LRFN5: variants seen among roughly 807,000 people sequenced by gnomAD.
The protein encoded by LRFN5 is leucine-rich repeat and fibronectin type-III domain-containing protein 5.
LRFN5 carries 24 observed loss-of-function variants against 45.6 expected under a neutral mutation model. That is an observed-to-expected ratio of 0.53 (90% CI 0.38 to 0.74). The LOEUF (loss-of-function observed/expected upper bound fraction) is 0.74, where lower values mean the gene tolerates loss of function less well. LRFN5 is among the 30% of genes least tolerant of loss of function. The pLI is 0.00. For synonymous variants in LRFN5, 340 were observed against 313.8 expected, an observed-to-expected ratio of 1.08 and a Z score of -0.88; for missense variants, 776 against 861.5, an observed-to-expected ratio of 0.90 and a Z score of 1.24.
At chr14:41,715,969 G>A (rs150201318) in intron 1 of LRFN5, among the ~76,000 whole-genome samples, 31 of 152,282 alleles carry the variant, frequency 2.0e-4, no homozygotes, top group African/African-American at 6.7e-4. Context: ...TGAAATCTAG[G>A]TGGAGGTTCC....
intron 2 of LRFN5, among the ~76,000 whole-genome samples, chr14:41,869,684 G>C (rs1256720093): frequency 2.0e-5 from 3 of 151,984 alleles, no homozygotes; most frequent in Non-Finnish European, 4.4e-5. Flanking sequence ...CATGTTGGAA[G>C]GCTAAAGGCA....
intron 1 of LRFN5, among the ~76,000 whole-genome samples, chr14:41,667,554 A>T (rs1056156684): frequency 2.0e-5 from 3 of 152,142 alleles, no homozygotes; most frequent in African/African-American, 7.2e-5. Context: ...GCTGGTGTCC[A>T]CGCTCCTGCC....
chr14:41,849,789 A>G (rs912601408), intron 2 of LRFN5, among the ~76,000 whole-genome samples: 3 of 151,908 alleles, frequency 2.0e-5, no homozygotes, highest in Admixed American at 1.3e-4. Flanking sequence ...TTTCCTGTCA[A>G]TCCTCCCCTC....
chr14:41,850,406 A>G (rs935629451), intron 2 of LRFN5, among the ~76,000 whole-genome samples: 1 of 151,872 alleles, frequency 6.6e-6, no homozygotes, highest in Non-Finnish European at 1.5e-5. Flanking sequence ...TAACTTCTGC[A>G]TCTAAGAAAC....
At chr14:41,862,078 A>G (rs1177206442) in intron 2 of LRFN5, among the ~76,000 whole-genome samples, 2 of 152,160 alleles carry the variant, frequency 1.3e-5, no homozygotes, top group African/African-American at 2.4e-5. Flanking sequence ...GTCATGTAAG[A>G]CGTGCCATGC....
At chr14:41,744,162 A>G (rs1455269278) in intron 1 of LRFN5, among the ~76,000 whole-genome samples, 2 of 152,066 alleles carry the variant, frequency 1.3e-5, no homozygotes, top group Non-Finnish European at 2.9e-5. Flanking sequence ...GAGACCAACC[A>G]AGGCAACATG....
chr14:41,781,614 A>AAGAG (rs1223165047), intron 2 of LRFN5, among the ~76,000 whole-genome samples: 4 of 88,236 alleles, frequency 4.5e-5, no homozygotes, highest in Non-Finnish European at 6.8e-5. Flanking sequence ...GAAAGAAAGA[A>AAGAG]AGAGAAAGAA....
intron 1 of LRFN5, among the ~76,000 whole-genome samples, chr14:41,679,102 C>T (rs1360362579): frequency 6.6e-6 from 1 of 152,050 alleles, no homozygotes; most frequent in African/African-American, 2.4e-5. Context: ...GGGGTTGGAA[C>T]CTGAGTTCTG....
chr14:41,765,031 T>G (rs1885821661), intron 1 of LRFN5, among the ~76,000 whole-genome samples: 1 of 152,026 alleles, frequency 6.6e-6, no homozygotes, highest in Admixed American at 6.6e-5. Context: ...AATGGAATGT[T>G]TTTCAAGACG....
intron 1 of LRFN5, among the ~76,000 whole-genome samples, chr14:41,616,851 C>T (rs1454997947): frequency 6.6e-6 from 1 of 152,082 alleles, no homozygotes; most frequent in Non-Finnish European, 1.5e-5. Context: ...TTAGTGATTG[C>T]AGAAGACCCT....
chr14:41,725,213 T>TA (rs1219346593), intron 1 of LRFN5, among the ~76,000 whole-genome samples: 2 of 152,210 alleles, frequency 1.3e-5, no homozygotes, highest in Non-Finnish European at 2.9e-5. Flanking sequence ...ACTTGAGGCT[T>TA]AAAAATGTTG....
chr14:41,821,887 G>A (rs1016683443), intron 2 of LRFN5, among the ~76,000 whole-genome samples: 2 of 151,732 alleles, frequency 1.3e-5, no homozygotes, highest in Non-Finnish European at 2.9e-5. Context: ...GTTCAGTCCT[G>A]GGAGGTTGGA....
chr14:41,889,216 T>C (rs1267066647), intron 3 of LRFN5, among the ~76,000 whole-genome samples: 1 of 151,506 alleles, frequency 6.6e-6, no homozygotes, highest in African/African-American at 2.4e-5. Context: ...TTCATTCCTG[T>C]ATGGAAATGA....
At chr14:41,727,553 G>C (rs1261912702) in intron 1 of LRFN5, among the ~76,000 whole-genome samples, 1 of 152,126 alleles carries the variant, frequency 6.6e-6, no homozygotes, top group Non-Finnish European at 1.5e-5. Flanking sequence ...TTGAGCCTAA[G>C]AGTTTGAGGC....
intron 1 of LRFN5, among the ~76,000 whole-genome samples, chr14:41,765,134 G>A (rs1233644279): frequency 1.3e-5 from 2 of 152,088 alleles, no homozygotes; most frequent in East Asian, 3.9e-4. Flanking sequence ...GAGGTCAGGA[G>A]ATCGAGACCA....
intron 2 of LRFN5, among the ~76,000 whole-genome samples, chr14:41,871,833 A>G (rs1420785673): frequency 6.6e-6 from 1 of 152,120 alleles, no homozygotes; most frequent in East Asian, 1.9e-4. Flanking sequence ...ACTAATTCTA[A>G]TTAATATTAC....
At chr14:41,729,681 T>C (rs1884085758) in intron 1 of LRFN5, among the ~76,000 whole-genome samples, 1 of 152,090 alleles carries the variant, frequency 6.6e-6, no homozygotes, top group Non-Finnish European at 1.5e-5. Flanking sequence ...TCTTAATTCT[T>C]GTACACATTT....
chr14:41,662,334 C>T (rs572680504), intron 1 of LRFN5, among the ~76,000 whole-genome samples: 2 of 151,936 alleles, frequency 1.3e-5, no homozygotes, highest in East Asian at 1.9e-4. Context: ...CCTTCTAATT[C>T]GGGACTATTA....
intron 1 of LRFN5, among the ~76,000 whole-genome samples, chr14:41,759,839 A>G (rs906842262): frequency 2.0e-5 from 3 of 152,214 alleles, no homozygotes; most frequent in Admixed American, 2.0e-4. Flanking sequence ...GTTTTTCTAG[A>G]TATTCATTTT....
Sources: gnomAD v4.1 joint callset for allele counts (sites outside exome capture counted in the v4.1 genomes callset) on GRCh38, gnomAD v4.1.1 for gene constraint, MANE v1.5 for transcripts, NCBI Gene and HGNC (gene_info 2026-07-23, HGNC 2026-07-21) for gene names.